Variants in IQSEC1 observed in about 807,000 individuals in gnomAD.
IQSEC1 encodes the protein IQ motif and Sec7 domain ArfGEF 1.
A neutral mutation model predicts 91.0 loss-of-function variants in IQSEC1; 31 were observed. The observed-to-expected ratio is 0.34, with a 90% confidence interval of 0.26 to 0.46. IQSEC1 has a LOEUF of 0.46. IQSEC1 is among the 20% of genes least tolerant of loss of function. The pLI is 1.00. For missense variants in IQSEC1, 1,388 were observed against 1,575.6 expected (o/e 0.88, Z 2.02); for synonymous variants, 699 against 662.6 (o/e 1.05, Z -0.84).
Position 12,967,389 on chromosome 3 carries a change from G to A in IQSEC1, c.24-25524C>T, listed in dbSNP as rs1427343377. On this transcript the variant is annotated intron_variant, in intron 1 of 13. Transcript: ENST00000613206. The surrounding 1 kb of genome is among the most constrained non-coding windows in gnomAD (Gnocchi z 5.9). ...CTCGCCCCGCGCCGCGCCCTCACCC[G>A]CTGTCAAGCTCTAGCTCCAGAAGGG... 2 of 1,534,140 alleles carry A rather than the reference G, an allele frequency of 1.3e-6. No homozygotes were observed. The highest frequency in any genetic ancestry group is 8.7e-7 in the Non-Finnish European group (1 of 1,144,130).
At chr3:12,953,925 C>T (rs1402722280) in intron 1 of IQSEC1, among the ~76,000 whole-genome samples, 1 of 152,202 alleles carries the variant, frequency 6.6e-6, no homozygotes, top group African/African-American at 2.4e-5. Context: ...CCAGGAAGCC[C>T]CACCAACAGC....
chr3:13,195,424 T>C (rs1289074781), intron 1 of IQSEC1, among the ~76,000 whole-genome samples: 3 of 152,226 alleles, frequency 2.0e-5, no homozygotes, highest in Non-Finnish European at 4.4e-5. Context: ...GCAAACAGTT[T>C]GGCAGTTTCT....
intron 3 of IQSEC1, among the ~76,000 whole-genome samples, chr3:12,925,338 G>C (rs1385165649): frequency 1.3e-5 from 2 of 152,182 alleles, no homozygotes; most frequent in African/African-American, 4.8e-5. Flanking sequence ...GAGGCGCCCT[G>C]TGCACACTAA....
intron 1 of IQSEC1, among the ~76,000 whole-genome samples, chr3:13,036,702 A>G (rs1704048632): frequency 6.6e-6 from 1 of 152,176 alleles, no homozygotes. Context: ...GTGTGCTTGG[A>G]ATCCCGTCCA....
intron 2 of IQSEC1, among the ~76,000 whole-genome samples, chr3:13,139,167 G>A (rs966999608): frequency 1.4e-4 from 21 of 152,176 alleles, no homozygotes; most frequent in African/African-American, 2.7e-4. Flanking sequence ...TTTTAACAAC[G>A]AGAAACTCAA....
At position 13,188,126 on chromosome 3, in the gene IQSEC1, G is replaced by A. The variant is rs574147761; in HGVS notation, c.273-23993C>T. Among the ~76,000 whole-genome samples, 4 of 152,318 alleles carry A rather than the reference G, an allele frequency of 2.6e-5. No homozygotes were observed. In the East Asian group the frequency reaches 7.7e-4, roughly 29 times the overall value. ...CTGTGCATCTGCCTTTAGACCTCTG[G>A]TAGGACCTGAAACTGAGACTGCTTC... On this transcript the variant is annotated intron_variant, in intron 1 of 15. Transcript: ENST00000648114.
intron 1 of IQSEC1, among the ~76,000 whole-genome samples, chr3:13,049,662 A>G (rs1201947641): frequency 6.6e-6 from 1 of 152,038 alleles, no homozygotes; most frequent in South Asian, 2.1e-4. Flanking sequence ...ACCCTCCCTC[A>G]GCGGACTCCT....
At chr3:13,154,343 C>T (rs1707046619) in intron 2 of IQSEC1, among the ~76,000 whole-genome samples, 2 of 147,792 alleles carry the variant, frequency 1.4e-5, no homozygotes, top group African/African-American at 5.0e-5. Context: ...CCTTAGGAAC[C>T]CAGGAGGAAG....
At chr3:12,916,027 AC>A (rs1696054675) in intron 6 of IQSEC1, among the ~76,000 whole-genome samples, 1 of 152,148 alleles carries the variant, frequency 6.6e-6, no homozygotes, top group African/African-American at 2.4e-5. Flanking sequence ...CATGCTAACC[AC>A]AGCCCTTCGA....
intron 2 of IQSEC1, among the ~76,000 whole-genome samples, chr3:13,105,731 C>T (rs1406472950): frequency 6.6e-6 from 1 of 152,098 alleles, no homozygotes; most frequent in Non-Finnish European, 1.5e-5. Context: ...TTCCCAGCCT[C>T]CCTCCTCGTG....
chr3:13,152,006 AAGAG>A (rs950330152), intron 2 of IQSEC1, among the ~76,000 whole-genome samples: 2 of 152,108 alleles, frequency 1.3e-5, no homozygotes, highest in Non-Finnish European at 2.9e-5. Flanking sequence ...AAAACAAAAA[AAGAG>A]AGAGTTCTAT....
Position 12,920,433 on chromosome 3 carries a change from G to A in IQSEC1, c.2017C>T (p.Arg673Ter). The A allele has an allele frequency of 6.2e-7, 1 of 1,613,932 alleles. No homozygotes were observed. Among genetic ancestry groups the A allele is most frequent in the Non-Finnish European group, 8.5e-7 (1 of 1,179,820 alleles). Reference sequence around the variant, plus strand: ...CCGACCGCCTGAGACAGCTCACCTCGGAGGTTCTTGATGAAGTCCTCTAGC... The same window carrying A: ...CCGACCGCCTGAGACAGCTCACCTCAGAGGTTCTTGATGAAGTCCTCTAGC... ...MKLEDFIKNL[R>*]GVDDGEDIPR... The change falls in exon 6 of 14, where the codon CGA becomes TGA. Residue 673 changes from arginine (R) to a stop codon, truncating the protein, a stop_gained. Transcript: ENST00000613206. LOFTEE classifies it high-confidence loss of function.
Position 13,129,040 on chromosome 3 carries a change from G to A in IQSEC1, c.302+35064C>T, listed in dbSNP as rs186933937. Among the ~76,000 whole-genome samples the A allele has an allele frequency of 1.6e-4, 24 of 152,262 alleles. No individual in the cohort carries two copies. The East Asian group carries it at 3.7e-3, about 23-fold the overall frequency. On this transcript the variant is annotated intron_variant, in intron 2 of 15. Transcript: ENST00000648114. ...TTCTCTCCTTTTCAATTTTCTGGAAGAGTTTGTGTAGAATTGGTATTATTT... is the reference window on the plus strand; with the variant it reads ...TTCTCTCCTTTTCAATTTTCTGGAAAAGTTTGTGTAGAATTGGTATTATTT...
rs181618665 is a variant in IQSEC1, at chr3:13,224,914, G to C, written c.272+57797C>G. 2.1e-4 allele frequency among the ~76,000 whole-genome samples: 32 copies of C among 152,330 alleles called. 1 individual carries two copies. Among genetic ancestry groups the C allele is most frequent in the Middle Eastern group, 3.4e-3 (1 of 294 alleles). ...CAAAGCATACCGGATGCCCCACGGGGACGTGTCCAGCACAGAGTCACTATG... is the reference window on the plus strand; with the variant it reads ...CAAAGCATACCGGATGCCCCACGGGCACGTGTCCAGCACAGAGTCACTATG... On this transcript the variant is annotated intron_variant, in intron 1 of 15. Coordinates refer to the IQSEC1 transcript ENST00000648114.
At chr3:13,281,776 C>T (rs1371036329) in intron 1 of IQSEC1, among the ~76,000 whole-genome samples, 2 of 152,250 alleles carry the variant, frequency 1.3e-5, no homozygotes, top group South Asian at 4.1e-4. Context: ...GCCACTCCCC[C>T]AACCACACAG....
At chr3:13,090,069 T>C (rs1705811927) in intron 2 of IQSEC1, among the ~76,000 whole-genome samples, 1 of 114,558 alleles carries the variant, frequency 8.7e-6, no homozygotes, top group Non-Finnish European at 2.0e-5. Context: ...ACAAAAAATA[T>C]TAGCGGGGTG....
intron 1 of IQSEC1, among the ~76,000 whole-genome samples, chr3:13,186,774 C>T (rs1411734677): frequency 2.0e-5 from 3 of 152,110 alleles, no homozygotes; most frequent in Admixed American, 2.0e-4. Context: ...CTGCACTGGA[C>T]GGCGACCCTT....
At position 12,967,644 on chromosome 3, in the gene IQSEC1, C is replaced by T. The variant is rs1369455044; in HGVS notation, c.24-25779G>A. The T allele has an allele frequency of 1.6e-6, 2 of 1,215,784 alleles. No individual in the cohort carries two copies. Among genetic ancestry groups the T allele is most frequent in the African/African-American group, 1.6e-5 (1 of 62,900 alleles). 75.3% of individuals were successfully genotyped at this position (1,215,784 alleles called of 1,614,324 possible). ...GCTCCCGCGGCTCCGGCCCCAAGTC[C>T]GAGCCCCAGGCCAGCCAAGCCCGCC... On this transcript the variant is annotated intron_variant, in intron 1 of 13. Transcript: ENST00000613206. The surrounding 1 kb of genome is among the most constrained non-coding windows in gnomAD (Gnocchi z 5.9).
chr3:12,961,438 C>T (rs183814322), intron 1 of IQSEC1, among the ~76,000 whole-genome samples: 3 of 152,376 alleles, frequency 2.0e-5, no homozygotes, highest in African/African-American at 7.2e-5. Context: ...ATACCCTTAA[C>T]CATCCACTTC....
Sources: allele counts gnomAD v4.1 joint callset (sites outside exome capture counted in the v4.1 genomes callset), GRCh38; gene constraint gnomAD v4.1.1; non-coding constraint Gnocchi (gnomAD v3.1); transcripts MANE v1.5; gene names NCBI Gene and HGNC (gene_info 2026-07-23, HGNC 2026-07-21).